Variants in AACS observed in about 807,000 individuals in gnomAD.
AACS encodes the protein acetoacetate-CoA ligase.
In AACS, 69 loss-of-function variants were observed where a neutral mutation model predicts 83.1. The ratio of observed to expected loss-of-function variants is 0.83; its 90% confidence interval spans 0.68 to 1.01. The LOEUF (loss-of-function observed/expected upper bound fraction) is 1.01. Among genes scored for constraint, AACS ranks in the 50% least tolerant of loss-of-function variants. The pLI is 0.00. For synonymous variants in AACS, 333 were observed against 343.4 expected (o/e 0.97, Z 0.33); for missense variants, 866 against 882.2 (o/e 0.98, Z 0.23).
At chr12:125,116,724 C>G (rs999992106) in intron 9 of AACS, among the ~76,000 whole-genome samples, 6 of 152,146 alleles carry the variant, frequency 3.9e-5, no homozygotes, top group Non-Finnish European at 7.4e-5. Context: ...CTCGGCCTCC[C>G]AAAGTGCTGG....
intron 5 of AACS, among the ~76,000 whole-genome samples, chr12:125,093,872 C>T (rs1052085976): frequency 2.0e-5 from 3 of 152,208 alleles, no homozygotes; most frequent in Admixed American, 1.3e-4. Context: ...GGCAGGGAGT[C>T]TGTCGGCATT....
intron 17 of AACS, among the ~76,000 whole-genome samples, chr12:125,137,728 A>G (rs1957420373): frequency 6.6e-6 from 1 of 152,184 alleles, no homozygotes; most frequent in Non-Finnish European, 1.5e-5. Context: ...AAGCTGACAG[A>G]AGCTGCTGTG....
rs1283882369 is a variant in AACS, at chr12:125,094,255, T to C, written c.570+2732T>C. On this transcript the variant is annotated intron_variant, in intron 5 of 17. Transcript: ENST00000316519. This position sits in a 1 kb window ranked among gnomAD's most constrained non-coding sequence, Gnocchi z 4.1. ...ATCATCACCATGTTAAACTTCAGAC[T>C]GTGCCCCATTTTCAGTAAGGGGCGC... is the stretch of plus-strand genomic sequence containing the variant. Among the ~76,000 whole-genome samples, 1 of 152,242 alleles carries C rather than the reference T, an allele frequency of 6.6e-6. No individual in the cohort carries two copies.
intron 1 of AACS, among the ~76,000 whole-genome samples, chr12:125,066,683 A>G (rs2136021813): frequency 6.6e-6 from 1 of 152,156 alleles, no homozygotes; most frequent in Non-Finnish European, 1.5e-5. Flanking sequence ...TCCTGACCTC[A>G]GGTGATCCGA....
At chr12:125,070,789 A>C (rs977901058) in intron 1 of AACS, among the ~76,000 whole-genome samples, 1 of 152,172 alleles carries the variant, frequency 6.6e-6, no homozygotes, top group African/African-American at 2.4e-5. Flanking sequence ...CAAGGCACGA[A>C]GTCTCAGTTA....
At chr12:125,069,933 A>G (rs982582632) in intron 1 of AACS, among the ~76,000 whole-genome samples, 1 of 152,230 alleles carries the variant, frequency 6.6e-6, no homozygotes, top group South Asian at 2.1e-4. Context: ...TGTATGACAG[A>G]TGCAGCTGAC....
At position 125,076,556 on chromosome 12, in the gene AACS, T is replaced by C. The variant is rs764177799; in HGVS notation, c.303T>C (p.Tyr101=). Residue 101 remains tyrosine, a synonymous_variant, in exon 3 of 18, where the codon TAT becomes TAC. Transcript: ENST00000316519. ...PEWFKGSRLN[Y]AENLLRHKEN... Reference sequence around the variant, plus strand: ...GGTTCAAAGGCAGTCGGCTCAACTATGCAGAAAACCTCCTGCGGCACAAAG... The same window carrying C: ...GGTTCAAAGGCAGTCGGCTCAACTACGCAGAAAACCTCCTGCGGCACAAAG... The C allele has an allele frequency of 9.3e-6, 15 of 1,614,082 alleles. No homozygotes were observed. In the East Asian group the frequency reaches 1.3e-4, roughly 14 times the overall value.
intron 1 of AACS, 102 bp downstream of exon 1, chr12:125,065,819 A>G (rs1594556773): frequency 7.2e-7 from 1 of 1,382,612 alleles, no homozygotes; most frequent in South Asian, 1.7e-5. Context: ...CTGGGGCTGG[A>G]GGAGCCACTT....
At chr12:125,132,664 G>T (rs1251421466) in intron 14 of AACS, among the ~76,000 whole-genome samples, 1 of 152,118 alleles carries the variant, frequency 6.6e-6, no homozygotes, top group African/African-American at 2.4e-5. Context: ...TTGGGGAGGC[G>T]GGAGGAAAGA....
chr12:125,134,887 T>C (rs1593010971), intron 16 of AACS, 35 bp downstream of exon 16: 1 of 1,613,288 alleles, frequency 6.2e-7, no homozygotes, highest in East Asian at 2.2e-5. Flanking sequence ...TTCTCCAGTC[T>C]CCAGGAAGGA....
At chr12:125,066,971 CCAAA>C (rs1308422356) in intron 1 of AACS, among the ~76,000 whole-genome samples, 1 of 152,198 alleles carries the variant, frequency 6.6e-6, no homozygotes, top group Non-Finnish European at 1.5e-5. Context: ...TTCCTCCTCA[CCAAA>C]CAGTGGTTGG....
chr12:125,114,373 G>C (rs1957012794), intron 8 of AACS, 104 bp from the exon 9 acceptor site: 1 of 850,952 alleles, frequency 1.2e-6, no homozygotes, highest in African/African-American at 1.7e-5. Context: ...GGATCTGCTG[G>C]GGCTTCTTCC....
Position 125,086,276 on chromosome 12 carries a change from C to T in AACS, c.359-54C>T. 3 of 1,518,848 alleles carry T rather than the reference C, an allele frequency of 2.0e-6. No homozygotes were observed. The South Asian group carries it at 3.4e-5, about 17-fold the overall frequency. 94.1% of individuals were successfully genotyped at this position (1,518,848 alleles called of 1,614,324 possible). ...GATTTTTCATTCAGTGTCTGGCTTG[C>T]AACTTTTCTTTTTGCGGTGGTCTGT... On this transcript the variant is annotated intron_variant, in intron 3 of 17. Coordinates refer to ENST00000316519, the MANE Select transcript of AACS (RefSeq NM_023928.5).
chr12:125,132,241 G>C (rs1299111394), intron 14 of AACS, among the ~76,000 whole-genome samples: 1 of 141,282 alleles, frequency 7.1e-6, no homozygotes, highest in Non-Finnish European at 1.5e-5. Context: ...AAAGTGTGTC[G>C]GGGAAGTTTT....
intron 8 of AACS, among the ~76,000 whole-genome samples, chr12:125,109,698 C>A (rs529910540): frequency 3.3e-5 from 5 of 152,208 alleles, no homozygotes; most frequent in African/African-American, 9.7e-5. Context: ...TCCCCAGTAG[C>A]GTCCTAGCAG....
Position 125,097,339 on chromosome 12 carries a change from G to A in AACS, c.571-5340G>A, listed in dbSNP as rs1320945750. Among the ~76,000 whole-genome samples the A allele has an allele frequency of 2.0e-5, 3 of 152,018 alleles. No individual in the cohort carries two copies. Among genetic ancestry groups the A allele is most frequent in the Admixed American group, 6.5e-5 (1 of 15,270 alleles). Reference sequence around the variant, plus strand: ...AGGGAGGAGGTGGACGGTGACCGAAGGCCTGATGTCCTGAGGCCAGGGGCC... The same window carrying A: ...AGGGAGGAGGTGGACGGTGACCGAAAGCCTGATGTCCTGAGGCCAGGGGCC... On this transcript the variant is annotated intron_variant, in intron 5 of 17. Coordinates refer to ENST00000316519, the MANE Select transcript of AACS (RefSeq NM_023928.5). The surrounding 1 kb of genome is among the most constrained non-coding windows in gnomAD (Gnocchi z 4.3).
At position 125,107,279 on chromosome 12, in the gene AACS, G is replaced by A. The variant is rs1313143791; in HGVS notation, c.915+11G>A. On this transcript the variant is annotated intron_variant, in intron 8 of 17. Transcript: ENST00000316519. ...GTGCATTCCGCTGGGGTAGGTCTCTGGGGAAGGCTCTGCAGGGCCTCCTGT... is the reference window on the plus strand; with the variant it reads ...GTGCATTCCGCTGGGGTAGGTCTCTAGGGAAGGCTCTGCAGGGCCTCCTGT... 1 of 1,612,426 alleles carries A rather than the reference G, an allele frequency of 6.2e-7. No homozygotes were observed. Among genetic ancestry groups the A allele is most frequent in the Non-Finnish European group, 8.5e-7 (1 of 1,179,392 alleles).
intron 5 of AACS, chr12:125,092,704 C>G (rs1454237315): frequency 1.0e-5 from 1 of 95,998 alleles, no homozygotes; most frequent in Non-Finnish European, 2.1e-5. Flanking sequence ...CAGGACCTCC[C>G]CAGGTCAGCA....
At chr12:125,079,296 G>A (rs1233757501) in intron 3 of AACS, among the ~76,000 whole-genome samples, 1 of 152,180 alleles carries the variant, frequency 6.6e-6, no homozygotes, top group Admixed American at 6.5e-5. Context: ...GTGATCCCGT[G>A]GTGACCTGGC....
Sources: allele counts gnomAD v4.1 joint callset (sites outside exome capture counted in the v4.1 genomes callset), GRCh38; gene constraint gnomAD v4.1.1; non-coding constraint Gnocchi (gnomAD v3.1); transcripts MANE v1.5; gene names NCBI Gene and HGNC (gene_info 2026-07-23, HGNC 2026-07-21).